Variants in AKAP12 observed in about 807,000 individuals in gnomAD.
The protein encoded by AKAP12 is A-kinase anchor protein 12.
In AKAP12, 32 loss-of-function variants were observed where a neutral mutation model predicts 79.9. The ratio of observed to expected loss-of-function variants is 0.40; its 90% CI spans 0.30 to 0.54. The LOEUF (loss-of-function observed/expected upper bound fraction) is 0.54, where lower values mean the gene tolerates loss of function less well. Ranked by LOEUF, AKAP12 falls within the 20% of genes least tolerant of loss-of-function variation. The pLI is 0.48. For missense variants in AKAP12, 2,074 were observed against 2,177.0 expected (o/e 0.95, Z 0.94); for synonymous variants, 808 against 857.0 (o/e 0.94, Z 1.00).
At position 151,351,178 on chromosome 6, in the gene AKAP12, C is replaced by T. The variant is rs369686583; in HGVS notation, c.2787C>T (p.Ala929=). The T allele has an allele frequency of 6.9e-5, 111 of 1,614,188 alleles. No homozygotes were observed. Among genetic ancestry groups the T allele is most frequent in the East Asian group, 4.9e-4 (22 of 44,882 alleles). Residue 929 remains alanine, a synonymous_variant, in exon 4 of 5, where the codon GCC becomes GCT. Transcript: ENST00000402676. This position sits in a 1 kb window ranked among gnomAD's most constrained non-coding sequence, Gnocchi z 4.4. ...TEPLEQVEAE[A]ALLTEEVLER... is the part of the protein sequence containing the mutation. ...CTCTTGAACAAGTAGAAGCTGAAGC[C>T]GCACTGTTAACTGAGGAGGTATTGG...
chr6:151,286,176 T>G (rs928884053), intron 2 of AKAP12, among the ~76,000 whole-genome samples: 1 of 152,180 alleles, frequency 6.6e-6, no homozygotes, highest in African/African-American at 2.4e-5. Flanking sequence ...GATAATTTTT[T>G]TAAAAGATTA....
At chr6:151,259,421 T>G (rs1008266280) in intron 2 of AKAP12, among the ~76,000 whole-genome samples, 3 of 148,800 alleles carry the variant, frequency 2.0e-5, no homozygotes, top group Non-Finnish European at 3.0e-5. Context: ...TATATGTATA[T>G]ATATATGTGT....
At chr6:151,293,939 A>G (rs560986865) in intron 2 of AKAP12, among the ~76,000 whole-genome samples, 14 of 152,208 alleles carry the variant, frequency 9.2e-5, no homozygotes, top group African/African-American at 2.9e-4. Context: ...AGGGGAAAAA[A>G]AGAATAAAAT....
At chr6:151,261,966 T>A (rs557572324) in intron 2 of AKAP12, among the ~76,000 whole-genome samples, 15 of 152,044 alleles carry the variant, frequency 9.9e-5, no homozygotes, top group South Asian at 4.2e-4. Flanking sequence ...TTGTTATTTT[T>A]AAAAATTTTT....
At chr6:151,348,458 G>T (rs1778170988) in intron 3 of AKAP12, 2 of 572,820 alleles carry the variant, frequency 3.5e-6, no homozygotes, top group Non-Finnish European at 6.5e-6. Context: ...GGACAACATA[G>T]TGAGATCTCA....
chr6:151,282,484 C>T lies in AKAP12; in HGVS notation c.163-23263C>T, dbSNP rs578242076. ...CCCACATGCCCAACCTTCACCAAAA[C>T]AAATGTGCTGTAGCCCTTTGGTCTA... On this transcript the variant is annotated intron_variant, in intron 2 of 4. Coordinates refer to ENST00000402676, the MANE Select transcript of AKAP12 (RefSeq NM_005100.4). 1.8e-4 allele frequency among the ~76,000 whole-genome samples: 28 copies of T among 152,252 alleles called. No individual in the cohort carries two copies. The Middle Eastern group carries it at 0.014, about 74-fold the overall frequency.
rs958031714 is a variant in AKAP12 at position 151,357,852 on chromosome 6, T to G, written c.*2138T>G. Reference sequence around the variant, plus strand: ...ACTTCCTCTCTATGGCAGGAAGACATTCTGTGCTGTTTTGAACAGATTAAA... The same window carrying G: ...ACTTCCTCTCTATGGCAGGAAGACAGTCTGTGCTGTTTTGAACAGATTAAA... On this transcript the variant is annotated 3_prime_UTR_variant, in exon 5 of 5. Coordinates refer to ENST00000402676, the MANE Select transcript of AKAP12 (RefSeq NM_005100.4). 5 of 152,008 alleles carry G rather than the reference T, an allele frequency of 3.3e-5. No homozygotes were observed. Among genetic ancestry groups the G allele is most frequent in the Non-Finnish European group, 7.4e-5 (5 of 68,024 alleles). The allele number at this position is 152,008 out of a possible 1,614,324, so 9.4% of individuals were successfully genotyped here.
At chr6:151,288,987 C>G (rs972069227) in intron 2 of AKAP12, among the ~76,000 whole-genome samples, 1 of 152,216 alleles carries the variant, frequency 6.6e-6, no homozygotes, top group South Asian at 2.1e-4. Flanking sequence ...GGAAAATGCA[C>G]TTGTGTAAGA....
chr6:151,346,262 A>C (rs898374593), intron 3 of AKAP12, among the ~76,000 whole-genome samples: 9 of 152,126 alleles, frequency 5.9e-5, no homozygotes, highest in Non-Finnish European at 1.3e-4. Flanking sequence ...CATTGACTTG[A>C]CTTTTCCCCT....
At chr6:151,323,501 C>T (rs1358345710) in intron 3 of AKAP12, among the ~76,000 whole-genome samples, 1 of 150,734 alleles carries the variant, frequency 6.6e-6, no homozygotes. Flanking sequence ...TGCAATGAGC[C>T]GAGATCGCGT....
intron 3 of AKAP12, among the ~76,000 whole-genome samples, chr6:151,309,982 A>G (rs1039493249): frequency 6.6e-6 from 1 of 152,048 alleles, no homozygotes; most frequent in Non-Finnish European, 1.5e-5. Flanking sequence ...GAAAAAAAAA[A>G]AAAGAAAAAG....
chr6:151,347,539 C>G (rs75054890), intron 3 of AKAP12, among the ~76,000 whole-genome samples: 10 of 152,290 alleles, frequency 6.6e-5, no homozygotes, highest in Non-Finnish European at 1.3e-4. Context: ...TTATGTGGAA[C>G]TAATTTTTTG....
chr6:151,350,918 G>A lies in AKAP12; in HGVS notation c.2527G>A (p.Val843Ile), dbSNP rs753654154. Residue 843 changes from valine (V) to isoleucine (I), a missense_variant, in exon 4 of 5, where the codon GTC becomes ATC. Coordinates refer to ENST00000402676, the MANE Select transcript of AKAP12 (RefSeq NM_005100.4). The surrounding 1 kb of genome is among the most constrained non-coding windows in gnomAD (Gnocchi z 4.8). Reference sequence around the variant, plus strand: ...AGGGGCCAACGAAGATGACTCTGATGTCCCGGCCGTGGTCCCTCTGTCTGA... The same window carrying A: ...AGGGGCCAACGAAGATGACTCTGATATCCCGGCCGTGGTCCCTCTGTCTGA... The part of the protein sequence containing the change: ...PTGANEDDSD[V>I]PAVVPLSEYD... 1.2e-6 allele frequency: 2 copies of A among 1,613,972 alleles called. No homozygotes were observed. The highest frequency in any genetic ancestry group is 4.5e-5 in the East Asian group (2 of 44,874).
At chr6:151,341,523 CGCGGGGA>C (rs1777947102) in intron 3 of AKAP12, among the ~76,000 whole-genome samples, 1 of 152,156 alleles carries the variant, frequency 6.6e-6, no homozygotes, top group Non-Finnish European at 1.5e-5. Context: ...TGGCGCCGGG[CGCGGGGA>C]GGCTGCGTCT....
At chr6:151,317,066 T>C (rs1350929843) in intron 3 of AKAP12, among the ~76,000 whole-genome samples, 2 of 152,212 alleles carry the variant, frequency 1.3e-5, no homozygotes, top group Admixed American at 6.5e-5. Context: ...ATGTGAATTT[T>C]GTGGGGGACA....
chr6:151,265,493 A>T (rs1265654692), intron 2 of AKAP12, among the ~76,000 whole-genome samples: 3 of 152,266 alleles, frequency 2.0e-5, no homozygotes, highest in Non-Finnish European at 4.4e-5. Flanking sequence ...TTTGAACTTT[A>T]AATAGTCACT....
rs887652361 is a variant in AKAP12, at chr6:151,349,154, C to T, written c.763C>T (p.Pro255Ser). 27 of 1,613,756 alleles carry T rather than the reference C, an allele frequency of 1.7e-5. No individual in the cohort carries two copies. Among genetic ancestry groups the T allele is most frequent in the Non-Finnish European group, 1.7e-5 (20 of 1,180,024 alleles). ...REQSHAEISPPAESGQAVEEC... is the reference protein window; with the variant it reads ...REQSHAEISPSAESGQAVEEC... Reference sequence around the variant, plus strand: ...GCAAAGCCACGCAGAAATTTCTCCCCCAGCCGAATCTGGCCAAGCAGTGGA... The same window carrying T: ...GCAAAGCCACGCAGAAATTTCTCCCTCAGCCGAATCTGGCCAAGCAGTGGA... The change falls in exon 4 of 5, where the codon CCA (proline) becomes TCA (serine). Residue 255 changes from proline (P) to serine (S), a missense_variant. Physicochemically the swap from Pro to Ser is moderately conservative, Grantham distance 74 (BLOSUM62 -1). Around this residue, in one of 3 missense-constraint regions of AKAP12, gnomAD observed 1,428 missense variants for 1,451.0 expected, o/e 0.98. Transcript: ENST00000402676.
At chr6:151,282,737 T>C (rs899992172) in intron 2 of AKAP12, among the ~76,000 whole-genome samples, 4 of 152,148 alleles carry the variant, frequency 2.6e-5, no homozygotes, top group African/African-American at 9.7e-5. Flanking sequence ...TTCCCCGACT[T>C]CTCTTGTCTA....
rs868154102 is a variant in AKAP12, at chr6:151,330,916, C to T, written c.320-17795C>T. ...CAGCAGGGACCACTGTAGCTTAGCC[C>T]TTCTTGGGATCATGGAGCGTTTGCA... On this transcript the variant is annotated intron_variant, in intron 3 of 4. Transcript: ENST00000402676. 1.1e-3 allele frequency among the ~76,000 whole-genome samples: 161 copies of T among 152,222 alleles called. 1 individual carries two copies. The highest frequency in any genetic ancestry group is 3.7e-3 in the African/African-American group (153 of 41,532).
Sources: allele counts gnomAD v4.1 joint callset (sites outside exome capture counted in the v4.1 genomes callset), GRCh38; gene constraint gnomAD v4.1.1; regional missense constraint gnomAD v4.1.1; non-coding constraint Gnocchi (gnomAD v3.1); transcripts MANE v1.5; gene names NCBI Gene and HGNC (gene_info 2026-07-23, HGNC 2026-07-21).